PTPRD: variants seen among roughly 807,000 people sequenced by gnomAD.
PTPRD encodes the protein protein tyrosine phosphatase receptor type D.
Under a neutral mutation model 214.5 loss-of-function variants are expected in PTPRD, and 34 were observed. That is an observed-to-expected ratio of 0.16 (90% CI 0.12 to 0.21). The LOEUF (loss-of-function observed/expected upper bound fraction) is 0.21. Among genes scored for constraint, PTPRD ranks in the 10% least tolerant of loss-of-function variants. PTPRD has a pLI of 1.00. For synonymous variants in PTPRD, 1,128 were observed against 845.7 expected (o/e 1.33, Z -5.79); for missense variants, 2,545 against 2,398.7 (o/e 1.06, Z -1.27).
chr9:8,364,748 G>T (rs886155043), intron 39 of PTPRD, among the ~76,000 whole-genome samples: 6 of 152,194 alleles, frequency 3.9e-5, no homozygotes, highest in Non-Finnish European at 4.4e-5. Context: ...ACGATTTTCT[G>T]CTGCGGTAGC....
chr9:9,957,833 A>C (rs2094052577), intron 4 of PTPRD, among the ~76,000 whole-genome samples: 1 of 152,148 alleles, frequency 6.6e-6, no homozygotes, highest in Admixed American at 6.5e-5. Context: ...GGTGAAACAA[A>C]AGATACACCG....
At chr9:9,885,580 C>G (rs1057301293) in intron 5 of PTPRD, among the ~76,000 whole-genome samples, 31 of 151,990 alleles carry the variant, frequency 2.0e-4, no homozygotes, top group African/African-American at 7.2e-4. Context: ...TCTGAATTGT[C>G]TAGATAGACC....
chr9:10,038,124 C>A (rs1171789915), intron 3 of PTPRD, among the ~76,000 whole-genome samples: 2 of 152,096 alleles, frequency 1.3e-5, no homozygotes, highest in Non-Finnish European at 2.9e-5. Flanking sequence ...CATTTTACAA[C>A]TTATCTCCTG....
intron 6 of PTPRD, among the ~76,000 whole-genome samples, chr9:9,744,501 C>A (rs893138140): frequency 2.0e-5 from 3 of 152,014 alleles, no homozygotes; most frequent in African/African-American, 7.2e-5. Flanking sequence ...GTTCAAATAT[C>A]TCTAATTTAT....
chr9:9,809,265 T>C (rs1056773344), intron 5 of PTPRD, among the ~76,000 whole-genome samples: 1 of 90,534 alleles, frequency 1.1e-5, no homozygotes, highest in Non-Finnish European at 2.1e-5. Context: ...CCACAAGAGA[T>C]TTTTTTTTTT....
intron 3 of PTPRD, among the ~76,000 whole-genome samples, chr9:10,322,676 G>A (rs904329158): frequency 2.0e-5 from 3 of 151,998 alleles, no homozygotes; most frequent in African/African-American, 7.2e-5. Context: ...CAAAAAGAGG[G>A]GAGATGGCAA....
intron 2 of PTPRD, among the ~76,000 whole-genome samples, chr9:10,503,285 C>T (rs1302274475): frequency 6.8e-6 from 1 of 147,418 alleles, no homozygotes; most frequent in African/African-American, 2.5e-5. Flanking sequence ...GTCACTTTGT[C>T]GTGATCATCA....
At chr9:10,278,852 G>A (rs762232567) in intron 3 of PTPRD, among the ~76,000 whole-genome samples, 3 of 151,902 alleles carry the variant, frequency 2.0e-5, no homozygotes, top group Admixed American at 6.6e-5. Flanking sequence ...TCGGCTCACT[G>A]CAAGCTCCGT....
chr9:8,402,364 T>C (rs555878388), intron 36 of PTPRD, among the ~76,000 whole-genome samples: 16 of 152,176 alleles, frequency 1.1e-4, no homozygotes, highest in Non-Finnish European at 2.4e-4. Context: ...TACAAGGAGG[T>C]ATAGTTTTTA....
chr9:8,510,765 T>C lies in PTPRD; in HGVS notation c.1544-3331A>G, dbSNP rs555687767. Among the ~76,000 whole-genome samples the C allele has an allele frequency of 8.5e-5, 13 of 152,280 alleles. No homozygotes were observed. The East Asian group carries it at 2.1e-3, about 25-fold the overall frequency. On this transcript the variant is annotated intron_variant, in intron 21 of 45. Coordinates refer to ENST00000381196, the MANE Select transcript of PTPRD (RefSeq NM_002839.4). Reference sequence around the variant, plus strand: ...ACTTCCTCAGGGCATTTTGTCATATTTGAATCCACAACCATGAAGCTGAGG... The same window carrying C: ...ACTTCCTCAGGGCATTTTGTCATATCTGAATCCACAACCATGAAGCTGAGG...
chr9:9,214,131 A>G (rs1046966033), intron 9 of PTPRD, among the ~76,000 whole-genome samples: 3 of 152,210 alleles, frequency 2.0e-5, no homozygotes, highest in East Asian at 3.9e-4. Context: ...TCTGCCCCCT[A>G]CTAACTAAGG....
intron 11 of PTPRD, among the ~76,000 whole-genome samples, chr9:8,889,882 C>T (rs968101451): frequency 6.6e-6 from 1 of 152,058 alleles, no homozygotes; most frequent in African/African-American, 2.4e-5. Context: ...TGGGTTGGTT[C>T]CATATTTTTG....
At chr9:9,848,398 T>C (rs1422225773) in intron 5 of PTPRD, among the ~76,000 whole-genome samples, 1 of 152,120 alleles carries the variant, frequency 6.6e-6, no homozygotes, top group East Asian at 1.9e-4. Flanking sequence ...TCACGTAAAA[T>C]GATGGTAAAT....
intron 5 of PTPRD, among the ~76,000 whole-genome samples, chr9:9,882,836 A>T (rs2069262842): frequency 6.6e-6 from 1 of 152,030 alleles, no homozygotes; most frequent in Non-Finnish European, 1.5e-5. Flanking sequence ...CCTAATGGGA[A>T]GTGTTTCGGC....
intron 7 of PTPRD, among the ~76,000 whole-genome samples, chr9:9,611,689 T>G (rs1408716422): frequency 6.6e-6 from 1 of 152,116 alleles, no homozygotes; most frequent in African/African-American, 2.4e-5. Context: ...TTGACATATG[T>G]ATGTATATAT....
chr9:10,377,365 T>C, intron 2 of PTPRD, among the ~76,000 whole-genome samples: 1 of 151,994 alleles, frequency 6.6e-6, no homozygotes, highest in South Asian at 2.1e-4. Context: ...TATGTATACA[T>C]GTGCCATGTT....
intron 34 of PTPRD, among the ~76,000 whole-genome samples, chr9:8,439,833 C>A (rs1201228638): frequency 6.6e-6 from 1 of 151,558 alleles, no homozygotes; most frequent in Admixed American, 6.6e-5. Flanking sequence ...CACTGTGGTA[C>A]CTTTTCAATG....
intron 14 of PTPRD, among the ~76,000 whole-genome samples, chr9:8,567,569 G>T (rs536650819): frequency 6.6e-6 from 1 of 152,154 alleles, no homozygotes; most frequent in Non-Finnish European, 1.5e-5. Context: ...CATTTTGCTA[G>T]GCCTCAGTGC....
At chr9:8,835,787 C>T (rs1185977762) in intron 11 of PTPRD, among the ~76,000 whole-genome samples, 3 of 152,192 alleles carry the variant, frequency 2.0e-5, no homozygotes, top group Admixed American at 2.0e-4. Flanking sequence ...ATCCTCCCTC[C>T]TCAGACTCCC....
Sources: allele counts gnomAD v4.1 joint callset (sites outside exome capture counted in the v4.1 genomes callset), GRCh38; gene constraint gnomAD v4.1.1; transcripts MANE v1.5; gene names NCBI Gene and HGNC (gene_info 2026-07-23, HGNC 2026-07-21).